The following TM7SF3 variants were observed in gnomAD, a reference collection of about 807,000 sequenced individuals.
TM7SF3 encodes the protein seven span transmembrane protein.
A neutral mutation model predicts 65.5 loss-of-function variants in TM7SF3; 60 were observed. The observed-to-expected ratio is 0.92, with a 90% CI of 0.74 to 1.14. TM7SF3 has a LOEUF of 1.14. Among genes scored for constraint, TM7SF3 ranks in the 50% most tolerant of loss-of-function variants. TM7SF3 has a pLI of 0.00. For missense variants in TM7SF3, 623 were observed against 684.8 expected (o/e 0.91, Z 1.01); for synonymous variants, 264 against 259.6 (o/e 1.02, Z -0.16).
At chr12:26,977,921 G>C in intron 9 of TM7SF3, 1 of 308,812 alleles carries the variant, frequency 3.2e-6, no homozygotes, top group Non-Finnish European at 6.5e-6. Flanking sequence ...GCAACAGTGA[G>C]ACTCTGTCTC....
chr12:26,983,794 T>A (rs1939921968), intron 6 of TM7SF3, among the ~76,000 whole-genome samples: 1 of 152,208 alleles, frequency 6.6e-6, no homozygotes, highest in Non-Finnish European at 1.5e-5. Context: ...TTATACATAT[T>A]GCCTTGGAGA....
At chr12:27,003,524 C>T (rs1940917279) in intron 1 of TM7SF3, 134 bp from the exon 2 acceptor site, 1 of 816,528 alleles carries the variant, frequency 1.2e-6, no homozygotes, top group Non-Finnish European at 1.9e-6. Flanking sequence ...GCTCCTATTT[C>T]ACTGCTAAAG....
chr12:26,986,170 A>G (rs917923777), intron 6 of TM7SF3, among the ~76,000 whole-genome samples: 2 of 151,920 alleles, frequency 1.3e-5, no homozygotes, highest in African/African-American at 4.8e-5. Context: ...TCCTAGGCCC[A>G]TCTGCGCACA....
At chr12:26,997,562 T>C (rs928199882) in intron 3 of TM7SF3, among the ~76,000 whole-genome samples, 3 of 152,156 alleles carry the variant, frequency 2.0e-5, no homozygotes, top group Non-Finnish European at 2.9e-5. Context: ...TAGCCTTTTG[T>C]TATAGCTAAC....
chr12:26,996,170 A>G (rs1247697237), intron 4 of TM7SF3, among the ~76,000 whole-genome samples: 1 of 152,086 alleles, frequency 6.6e-6, no homozygotes, highest in Non-Finnish European at 1.5e-5. Flanking sequence ...AAAAAAAAGA[A>G]GAAGAATATA....
chr12:27,011,275 C>T (rs1218101931), intron 1 of TM7SF3, among the ~76,000 whole-genome samples: 1 of 152,252 alleles, frequency 6.6e-6, no homozygotes, highest in East Asian at 1.9e-4. Flanking sequence ...CTGAAAGGCC[C>T]AAATGATGCT....
intron 6 of TM7SF3, among the ~76,000 whole-genome samples, chr12:26,989,235 A>G (rs1475691160): frequency 6.6e-6 from 1 of 152,172 alleles, no homozygotes; most frequent in Non-Finnish European, 1.5e-5. Flanking sequence ...CAGGAGTTTG[A>G]GACCAGCCTG....
chr12:26,972,239 T>C lies in TM7SF3; in HGVS notation c.*1726A>G, dbSNP rs1179605668. ...AGGTCCTAATGAAAAGCAGCTCCTCTAAACACCTGAATCCTTTTTGACTCC... is the reference window on the plus strand; with the variant it reads ...AGGTCCTAATGAAAAGCAGCTCCTCCAAACACCTGAATCCTTTTTGACTCC... On this transcript the variant is annotated 3_prime_UTR_variant, in exon 12 of 12. Transcript: ENST00000343028. The C allele has an allele frequency of 6.6e-6, 1 of 152,174 alleles. No homozygotes were observed. Among genetic ancestry groups the C allele is most frequent in the African/African-American group, 2.4e-5 (1 of 41,442 alleles). The allele number at this position is 152,174 out of a possible 1,614,324, so 9.4% of individuals were successfully genotyped here.
Position 26,996,772 on chromosome 12 carries a change from T to G in TM7SF3, c.488A>C (p.Lys163Thr). 2 of 1,613,512 alleles carry G rather than the reference T, an allele frequency of 1.2e-6. No individual in the cohort carries two copies. Among genetic ancestry groups the G allele is most frequent in the Non-Finnish European group, 1.7e-6 (2 of 1,179,824 alleles). ...LEYNFFETTI[K>T]FAPANLGYAR... ...ATAGCCTAGGTTTGCTGGGGCAAAC[T>G]TGATAGTCGTTTCAAAGAAATTATA... The change falls in exon 4 of 12, where the codon AAG (lysine) becomes ACG (threonine). Residue 163 changes from lysine to threonine, a missense_variant. By Grantham distance (78) the Lys-to-Thr change is moderately conservative. Transcript: ENST00000343028.
chr12:27,000,672 G>C (rs764265406), intron 2 of TM7SF3, among the ~76,000 whole-genome samples: 1 of 152,182 alleles, frequency 6.6e-6, no homozygotes, highest in Non-Finnish European at 1.5e-5. Context: ...TGTTAGCCAG[G>C]ATGGTCTTGA....
At chr12:26,985,862 A>G (rs1293079145) in intron 6 of TM7SF3, among the ~76,000 whole-genome samples, 14 of 99,072 alleles carry the variant, frequency 1.4e-4, no homozygotes, top group South Asian at 3.3e-4. Context: ...CGCCCAGGCT[A>G]GAGTGCAGTG....
At chr12:26,989,208 G>C (rs1433424786) in intron 6 of TM7SF3, among the ~76,000 whole-genome samples, 1 of 152,170 alleles carries the variant, frequency 6.6e-6, no homozygotes, top group Non-Finnish European at 1.5e-5. Flanking sequence ...GGCCAAGGCG[G>C]GTGGATCACT....
At chr12:26,980,745 A>G (rs1178205330) in intron 7 of TM7SF3, 99 bp from the exon 8 acceptor site, 4 of 613,986 alleles carry the variant, frequency 6.5e-6, no homozygotes, top group Non-Finnish European at 1.1e-5. Flanking sequence ...ATCTACAAAT[A>G]CATGCTTAAG....
At chr12:26,975,743 A>G in intron 10 of TM7SF3, 85 bp from the exon 11 acceptor site, 1 of 1,401,466 alleles carries the variant, frequency 7.1e-7, no homozygotes, top group Non-Finnish European at 9.8e-7. Context: ...ATCACAGGCA[A>G]TCACATCTGC....
rs1038604251 is a variant in TM7SF3 at position 26,972,834 on chromosome 12, T to C, written c.*1131A>G. ...TAATGCAGTTAAATTAAAGATCACC[T>C]GTTGACACTATTTGAAAAGGCCTTG... On this transcript the variant is annotated 3_prime_UTR_variant, in exon 12 of 12. Transcript: ENST00000343028. Among the ~76,000 whole-genome samples the C allele has an allele frequency of 6.6e-6, 1 of 151,952 alleles. No individual in the cohort carries two copies. The highest frequency in any genetic ancestry group is 1.5e-5 in the Non-Finnish European group (1 of 67,974).
In TM7SF3 at chr12:26,974,125, T is replaced by C; in HGVS notation, c.1553A>G (p.Lys518Arg). The change falls in exon 12 of 12, where the codon AAG becomes AGG. Residue 518 changes from lysine (K) to arginine (R), a missense_variant. Physicochemically the swap from Lys to Arg is conservative, Grantham distance 26. Transcript: ENST00000343028. ...GRPFFPPHPYKLWKQERERRV... is the reference protein window; with the variant it reads ...GRPFFPPHPYRLWKQERERRV... ...GCGCTCTCTCTCTTGCTTCCATAACTTGTATGGGTGGGGAGGGAAGAACGG... is the reference window on the plus strand; with the variant it reads ...GCGCTCTCTCTCTTGCTTCCATAACCTGTATGGGTGGGGAGGGAAGAACGG... 1 of 1,614,152 alleles carries C rather than the reference T, an allele frequency of 6.2e-7. No homozygotes were observed. The highest frequency in any genetic ancestry group is 2.2e-5 in the East Asian group (1 of 44,880).
Sources: gnomAD v4.1 joint callset for allele counts (sites outside exome capture counted in the v4.1 genomes callset) on GRCh38, gnomAD v4.1.1 for gene constraint, MANE v1.5 for transcripts, NCBI Gene and HGNC (gene_info 2026-07-23, HGNC 2026-07-21) for gene names.